STK3: variants seen among roughly 807,000 people sequenced by gnomAD.
The protein encoded by STK3 is serine/threonine-protein kinase 3.
In STK3, 41 loss-of-function variants were observed where a neutral mutation model predicts 58.0. The observed-to-expected ratio is 0.71, with a 90% CI of 0.55 to 0.92. The LOEUF (loss-of-function observed/expected upper bound fraction) is 0.92, where lower values mean the gene tolerates loss of function less well. Ranked by LOEUF, STK3 falls within the 40% of genes least tolerant of loss-of-function variation. STK3 has a pLI of 0.00. For missense variants in STK3, 479 were observed against 602.7 expected (o/e 0.79, Z 2.15); for synonymous variants, 170 against 191.0 (o/e 0.89, Z 0.91).
chr8:98,420,520 G>T (rs900882271), intron 3 of STK3, among the ~76,000 whole-genome samples: 2 of 152,154 alleles, frequency 1.3e-5, no homozygotes, highest in African/African-American at 4.8e-5. Context: ...GGCACCCACT[G>T]GGGGACTTGG....
At chr8:98,362,739 C>A in the STK3 span, among the ~76,000 whole-genome samples, 1 of 152,178 alleles carries the variant, frequency 6.6e-6, no homozygotes, top group African/African-American at 2.4e-5. Flanking sequence ...AAGTATGATG[C>A]TTCCACCTAA....
chr8:98,820,661 C>T (rs1454015831), intron 1 of STK3, among the ~76,000 whole-genome samples: 1 of 152,144 alleles, frequency 6.6e-6, no homozygotes, highest in East Asian at 1.9e-4. Context: ...ATTTTTCTCT[C>T]AGCTAGCAGT....
intron 7 of STK3, among the ~76,000 whole-genome samples, chr8:98,587,084 T>G (rs2131784975): frequency 6.6e-6 from 1 of 152,266 alleles, no homozygotes; most frequent in African/African-American, 2.4e-5. Flanking sequence ...GGGTTTTTTG[T>G]GTCTCTGTTT....
chr8:98,418,918 A>G (rs1818142026), intron 3 of STK3, among the ~76,000 whole-genome samples: 1 of 152,212 alleles, frequency 6.6e-6, no homozygotes, highest in African/African-American at 2.4e-5. Context: ...CAGTCAGTGC[A>G]TTTAGAGCAG....
intron 6 of STK3, among the ~76,000 whole-genome samples, chr8:98,618,083 A>T (rs11785169): frequency 1.3e-5 from 2 of 151,618 alleles, no homozygotes; most frequent in Non-Finnish European, 2.9e-5. Flanking sequence ...TGGCAAACCG[A>T]ATCCAGCAGC....
intron 4 of STK3, among the ~76,000 whole-genome samples, chr8:98,720,111 A>T (rs1587414609): frequency 6.6e-6 from 1 of 152,266 alleles, no homozygotes; most frequent in Non-Finnish European, 1.5e-5. Context: ...AAATTCAATT[A>T]TGAAATGAAA....
chr8:98,619,810 G>C (rs1316992767), intron 6 of STK3, among the ~76,000 whole-genome samples: 1 of 132,462 alleles, frequency 7.5e-6, no homozygotes, highest in East Asian at 2.2e-4. Flanking sequence ...AAAAAGTCAG[G>C]AAACAACAGG....
intron 8 of STK3, among the ~76,000 whole-genome samples, chr8:98,561,900 C>G (rs2131635827): frequency 6.6e-6 from 1 of 152,048 alleles, no homozygotes. Context: ...GGCAAATAAG[C>G]ATATAAAAAG....
At chr8:98,440,539 T>C (rs1449771441) in intron 1 of STK3, among the ~76,000 whole-genome samples, 1 of 149,352 alleles carries the variant, frequency 6.7e-6, no homozygotes, top group South Asian at 2.1e-4. Context: ...GGTTCAGTTT[T>C]CTATTCAATT....
chr8:98,359,379 C>T, the STK3 span, among the ~76,000 whole-genome samples: 1 of 140,792 alleles, frequency 7.1e-6, no homozygotes, highest in African/African-American at 2.7e-5. Flanking sequence ...AAAAATTAGC[C>T]TGGTGTACTG....
intron 1 of STK3, among the ~76,000 whole-genome samples, chr8:98,901,505 GCT>G (rs1838655029): frequency 6.6e-6 from 1 of 152,224 alleles, no homozygotes; most frequent in Non-Finnish European, 1.5e-5. Flanking sequence ...GCTCTGCTAG[GCT>G]CTCTGACTGC....
chr8:98,851,293 T>A (rs1380672411), intron 3 of STK3, among the ~76,000 whole-genome samples: 1 of 152,176 alleles, frequency 6.6e-6, no homozygotes, highest in Admixed American at 6.5e-5. Flanking sequence ...GAATGTCGAA[T>A]GAACTGAAGC....
intron 10 of STK3, among the ~76,000 whole-genome samples, chr8:98,499,599 T>C (rs185142309): frequency 6.6e-6 from 1 of 152,276 alleles, no homozygotes; most frequent in Admixed American, 6.5e-5. Flanking sequence ...GGTAGAGAAA[T>C]CCTAATTCAT....
At chr8:98,729,884 T>C (rs1404317708) in intron 4 of STK3, among the ~76,000 whole-genome samples, 3 of 152,230 alleles carry the variant, frequency 2.0e-5, no homozygotes. Flanking sequence ...AGCTCAATTC[T>C]AGTCTTCAGC....
rs145846765 is a variant in STK3, at chr8:98,916,465, C to T, written c.-79+25913G>A. Among the ~76,000 whole-genome samples, 225 of 152,200 alleles carry T rather than the reference C, an allele frequency of 1.5e-3. 2 individuals carry two copies. The highest frequency in any genetic ancestry group is 6.8e-3 in the Middle Eastern group (2 of 292). ...AACAAAAAACCACTTCAGCTTCTAG[C>T]GTAGTGCTGGACATGCAGTGAAGGA... is the stretch of plus-strand genomic sequence containing the variant. On this transcript the variant is annotated intron_variant, in intron 1 of 1. Coordinates refer to the STK3 transcript ENST00000519420.
intron 1 of STK3, among the ~76,000 whole-genome samples, chr8:98,806,073 A>G (rs1323962318): frequency 1.3e-5 from 2 of 152,208 alleles, no homozygotes; most frequent in Non-Finnish European, 2.9e-5. Context: ...ATTATTATGT[A>G]CTGTATGAGA....
chr8:98,589,445 G>A (rs1482813767), intron 7 of STK3, among the ~76,000 whole-genome samples: 2 of 152,250 alleles, frequency 1.3e-5, no homozygotes, highest in African/African-American at 2.4e-5. Context: ...TAAGGAGGCA[G>A]TCTGCCCCTT....
chr8:98,613,715 TG>T (rs1817394147), intron 6 of STK3, among the ~76,000 whole-genome samples: 1 of 151,958 alleles, frequency 6.6e-6, no homozygotes, highest in African/African-American at 2.4e-5. Context: ...TTACATTAAA[TG>T]TAAATCGCCT....
intron 1 of STK3, among the ~76,000 whole-genome samples, chr8:98,907,270 T>A (rs897449759): frequency 2.6e-5 from 4 of 152,042 alleles, no homozygotes; most frequent in African/African-American, 7.3e-5. Flanking sequence ...TCCCAGCACT[T>A]TGGGAGGCTG....
Sources: gnomAD v4.1 joint callset for allele counts (sites outside exome capture counted in the v4.1 genomes callset) on GRCh38, gnomAD v4.1.1 for gene constraint, MANE v1.5 for transcripts, NCBI Gene and HGNC (gene_info 2026-07-23, HGNC 2026-07-21) for gene names.